The following BFSP1 variants were observed in gnomAD, a reference collection of about 807,000 sequenced individuals.
BFSP1 encodes beaded filament structural protein 1, also known as filensin.
Under a neutral mutation model 43.9 loss-of-function variants are expected in BFSP1, and 38 were observed. The ratio of observed to expected loss-of-function variants is 0.87; its 90% CI spans 0.67 to 1.14. BFSP1 has a LOEUF of 1.14. Ranked by LOEUF, BFSP1 falls within the 50% of genes most tolerant of loss-of-function variation. BFSP1 has a pLI of 0.00. For missense variants in BFSP1, 850 were observed against 875.1 expected (o/e 0.97, Z 0.36); for synonymous variants, 352 against 354.8 (o/e 0.99, Z 0.09).
intron 1 of BFSP1, among the ~76,000 whole-genome samples, chr20:17,567,431 T>C (rs1351293282): frequency 6.6e-6 from 1 of 152,014 alleles, no homozygotes; most frequent in African/African-American, 2.4e-5. Context: ...GCTACAGTAA[T>C]TGTAGGGAAA....
intron 5 of BFSP1, among the ~76,000 whole-genome samples, chr20:17,503,404 C>T (rs748340584): frequency 5.3e-5 from 8 of 152,062 alleles, no homozygotes; most frequent in Non-Finnish European, 7.4e-5. Flanking sequence ...GAGAATGTAC[C>T]CCAGATCACT....
At chr20:17,502,257 T>A (rs2033821991) in intron 5 of BFSP1, among the ~76,000 whole-genome samples, 1 of 152,130 alleles carries the variant, frequency 6.6e-6, no homozygotes, top group African/African-American at 2.4e-5. Context: ...TATTGTCACC[T>A]GTATGAGGAC....
upstream of BFSP1, among the ~76,000 whole-genome samples, chr20:17,562,526 C>CAAAAAAAAA (rs550158623): frequency 4.2e-5 from 2 of 48,018 alleles, no homozygotes; most frequent in Non-Finnish European, 8.2e-5. Flanking sequence ...GACTCTGTCT[C>CAAAAAAAAA]AAAAAAAAAA....
intron 2 of BFSP1, among the ~76,000 whole-genome samples, chr20:17,518,335 C>T (rs572281132): frequency 2.0e-5 from 3 of 152,330 alleles, no homozygotes; most frequent in South Asian, 2.1e-4. Flanking sequence ...TAGCCATTGA[C>T]CTTTAACGAG....
At chr20:17,501,284 G>T (rs1450502496) in intron 5 of BFSP1, among the ~76,000 whole-genome samples, 1 of 152,226 alleles carries the variant, frequency 6.6e-6, no homozygotes. Context: ...TCGGCAAATG[G>T]CCGGGTGTGG....
chr20:17,546,658 C>T (rs114752548), intron 1 of BFSP1, among the ~76,000 whole-genome samples: 1,667 of 150,688 alleles, frequency 0.011, 27 homozygotes, highest in African/African-American at 0.039. Flanking sequence ...GCCAAGATCA[C>T]ACCACACTGC....
rs187595377 is a variant in BFSP1 at position 17,512,947 on chromosome 20, C to T, written c.535-879G>A. ...CCTTTACCCGCCAGTGCCCCTGTCC[C>T]CAGCTCTGTAATAACAGATGACACA... is the stretch of plus-strand genomic sequence containing the variant. On this transcript the variant is annotated intron_variant, in intron 3 of 7. Coordinates refer to ENST00000377873, the MANE Select transcript of BFSP1 (RefSeq NM_001195.5). 4.4e-3 allele frequency among the ~76,000 whole-genome samples: 676 copies of T among 152,280 alleles called. 4 individuals carry two copies. Among genetic ancestry groups the T allele is most frequent in the African/African-American group, 0.016 (652 of 41,546 alleles).
chr20:17,500,587 A>G (rs1296150015), intron 5 of BFSP1, among the ~76,000 whole-genome samples: 5 of 152,202 alleles, frequency 3.3e-5, no homozygotes, highest in Admixed American at 3.3e-4. Context: ...ATAAACAACT[A>G]TGTTACTGGT....
intron 2 of BFSP1, among the ~76,000 whole-genome samples, chr20:17,517,863 C>T (rs1160218033): frequency 2.0e-5 from 3 of 152,186 alleles, no homozygotes; most frequent in African/African-American, 7.2e-5. Context: ...CTGCATGGCA[C>T]GGCTCTATGG....
intron 6 of BFSP1, among the ~76,000 whole-genome samples, chr20:17,497,999 T>C (rs1287611777): frequency 2.6e-5 from 4 of 152,154 alleles, no homozygotes; most frequent in African/African-American, 9.7e-5. Context: ...TCATGCCAGA[T>C]ACACCGACCA....
chr20:17,498,560 C>T (rs1324814925), intron 6 of BFSP1, among the ~76,000 whole-genome samples: 1 of 152,144 alleles, frequency 6.6e-6, no homozygotes, highest in Non-Finnish European at 1.5e-5. Flanking sequence ...TTCTGACCAC[C>T]CTACTTAAAA....
In BFSP1 at chr20:17,547,010, G is replaced by C. The variant is rs182097910; in HGVS notation, c.2+11678C>G. Among the ~76,000 whole-genome samples, 315 of 125,998 alleles carry C rather than the reference G, an allele frequency of 2.5e-3. 5 individuals carry two copies. Among genetic ancestry groups the C allele is most frequent in the Admixed American group, 0.02 (203 of 10,206 alleles). 82.7% of individuals were successfully genotyped at this position (125,998 alleles called of 152,430 possible). A position where few individuals can be genotyped will look rare whatever the true frequency, so the allele number is the denominator to read the frequency against. ...CTGCTGCACTCCAGCCTGTGTGACAGAGCAAGACTCCATCTCAAAAAAAAA... is the reference window on the plus strand; with the variant it reads ...CTGCTGCACTCCAGCCTGTGTGACACAGCAAGACTCCATCTCAAAAAAAAA... On this transcript the variant is annotated intron_variant, in intron 1 of 7. Coordinates refer to the BFSP1 transcript ENST00000377868.
At chr20:17,569,194 A>G in exon 1 of BFSP1, 1 of 152,382 alleles carries the variant, frequency 6.6e-6, no homozygotes, top group Non-Finnish European at 1.5e-5. Context: ...TGACTCACAG[A>G]GCACTCTGCA....
At chr20:17,497,565 T>G (rs2033673768) in intron 6 of BFSP1, among the ~76,000 whole-genome samples, 1 of 49,374 alleles carries the variant, frequency 2.0e-5, no homozygotes, top group Admixed American at 2.3e-4. Flanking sequence ...TATATGTGTG[T>G]GTATATGTAT....
At chr20:17,529,348 T>C (rs60586736) in intron 1 of BFSP1, among the ~76,000 whole-genome samples, 124 of 152,318 alleles carry the variant, frequency 8.1e-4, no homozygotes, top group African/African-American at 2.9e-3. Flanking sequence ...AGTGCTGGGA[T>C]TACAGGCGTG....
intron 2 of BFSP1, among the ~76,000 whole-genome samples, chr20:17,517,861 C>T (rs911572304): frequency 3.3e-5 from 5 of 152,198 alleles, no homozygotes; most frequent in African/African-American, 1.2e-4. Flanking sequence ...TACTGCATGG[C>T]ACGGCTCTAT....
In BFSP1 at chr20:17,523,933, T is replaced by C. The variant is rs185883417; in HGVS notation, c.438+915A>G. Among the ~76,000 whole-genome samples the C allele has an allele frequency of 7.9e-5, 12 of 152,174 alleles. No individual in the cohort carries two copies. In the East Asian group the frequency reaches 2.1e-3, roughly 27 times the overall value. ...AACCCTGACTGTCCAAAGAGGCTGC[T>C]TGGAGTTCCATGTGGCAAAGAAGCC... On this transcript the variant is annotated intron_variant, in intron 2 of 7. Coordinates refer to ENST00000377873, the MANE Select transcript of BFSP1 (RefSeq NM_001195.5).
chr20:17,498,926 C>T lies in BFSP1; in HGVS notation c.850G>A (p.Val284Ile), dbSNP rs888850138. The T allele has an allele frequency of 6.2e-7, 1 of 1,614,102 alleles. No individual in the cohort carries two copies. Among genetic ancestry groups the T allele is most frequent in the African/African-American group, 1.3e-5 (1 of 74,930 alleles). Residue 284 changes from valine (V) to isoleucine (I), a missense_variant, in exon 6 of 8, where the codon GTC becomes ATC. Coordinates refer to ENST00000377873, the MANE Select transcript of BFSP1 (RefSeq NM_001195.5). ...LRKEIEETER[V>I]LEKSSYDCRQ... ...CAGTCGTAAGAAGACTTCTCCAGGA[C>T]CCGCTCTGTCTCCTCAATCTCCTTG...
intron 1 of BFSP1, among the ~76,000 whole-genome samples, chr20:17,541,983 A>C (rs2034725763): frequency 6.6e-6 from 1 of 152,198 alleles, no homozygotes; most frequent in African/African-American, 2.4e-5. Context: ...GGTGACACAC[A>C]CAGTGTAACC....
Sources: allele counts gnomAD v4.1 joint callset (sites outside exome capture counted in the v4.1 genomes callset), GRCh38; gene constraint gnomAD v4.1.1; transcripts MANE v1.5; gene names NCBI Gene and HGNC (gene_info 2026-07-23, HGNC 2026-07-21).